CMSS1: variants seen among roughly 807,000 people sequenced by gnomAD.
The protein encoded by CMSS1 is protein CMSS1.
In CMSS1, 33 loss-of-function variants were observed where a neutral mutation model predicts 43.5. The observed-to-expected ratio is 0.76, with a 90% CI of 0.57 to 1.01. The LOEUF is 1.01. Ranked by LOEUF, CMSS1 falls within the 50% of genes least tolerant of loss-of-function variation. CMSS1 has a pLI of 0.00. For synonymous variants in CMSS1, 115 were observed against 117.2 expected (o/e 0.98, Z 0.12); for missense variants, 313 against 326.4 (o/e 0.96, Z 0.32).
intron 1 of CMSS1, among the ~76,000 whole-genome samples, chr3:100,083,383 G>T (rs1559751763): frequency 6.6e-6 from 1 of 152,226 alleles, no homozygotes; most frequent in African/African-American, 2.4e-5. Flanking sequence ...GAACTTGCAA[G>T]ACATGAAACT....
Position 100,102,497 on chromosome 3 carries a change from C to G in CMSS1, c.65-44476C>G, listed in dbSNP as rs190469279. Among the ~76,000 whole-genome samples the G allele has an allele frequency of 1.9e-3, 282 of 152,306 alleles. 1 individual carries two copies. The highest frequency in any genetic ancestry group is 3.2e-3 in the Non-Finnish European group (220 of 68,018). On this transcript the variant is annotated intron_variant, in intron 1 of 9. Coordinates refer to ENST00000421999, the MANE Select transcript of CMSS1 (RefSeq NM_032359.4). ...CTGCTTCTCCACAGGTGTGAGATCT[C>G]TCTTTTCTTCAAATTACTCCAGTAT...
At chr3:100,140,131 T>G (rs1559769284) in intron 1 of CMSS1, among the ~76,000 whole-genome samples, 1 of 152,210 alleles carries the variant, frequency 6.6e-6, no homozygotes, top group Non-Finnish European at 1.5e-5. Context: ...TGAAGCTAAC[T>G]TCCATTAATT....
intron 1 of CMSS1, among the ~76,000 whole-genome samples, chr3:99,871,191 A>G (rs1944768503): frequency 6.6e-6 from 1 of 152,178 alleles, no homozygotes. Context: ...CCTGAGCCTA[A>G]CTGGTTTCTG....
chr3:100,038,956 C>T (rs571479954), intron 1 of CMSS1, among the ~76,000 whole-genome samples: 1 of 152,186 alleles, frequency 6.6e-6, no homozygotes, highest in South Asian at 2.1e-4. Flanking sequence ...ATGTATAAAA[C>T]GTCTTTGAAA....
At chr3:99,860,328 G>A (rs574714506) in intron 1 of CMSS1, among the ~76,000 whole-genome samples, 1 of 152,166 alleles carries the variant, frequency 6.6e-6, no homozygotes, top group Non-Finnish European at 1.5e-5. Context: ...GTCAGGAGAA[G>A]TGAAATAAGA....
At chr3:99,914,073 G>A (rs955846209) in intron 1 of CMSS1, among the ~76,000 whole-genome samples, 3 of 152,174 alleles carry the variant, frequency 2.0e-5, no homozygotes, top group Non-Finnish European at 4.4e-5. Flanking sequence ...AAATTAGAGA[G>A]GGAATTTGGC....
intron 1 of CMSS1, chr3:99,925,902 C>T (rs561510718): frequency 3.0e-6 from 3 of 985,128 alleles, no homozygotes; most frequent in South Asian, 4.7e-5. Flanking sequence ...TTGCCCAGCA[C>T]GGGGTAAGCT....
At chr3:99,912,410 T>C (rs1295828483) in intron 1 of CMSS1, among the ~76,000 whole-genome samples, 1 of 152,202 alleles carries the variant, frequency 6.6e-6, no homozygotes, top group Non-Finnish European at 1.5e-5. Context: ...AGGGTCTTGC[T>C]TTGTTTCCCA....
In CMSS1 at chr3:100,038,464, G is replaced by A. The variant is rs9826443; in HGVS notation, c.65-108509G>A. On this transcript the variant is annotated intron_variant, in intron 1 of 9. Transcript: ENST00000421999. The stretch of plus-strand genomic sequence containing the variant: ...CTTATAGAGAATTCGAGTAGGGAGC[G>A]GAAACAGGCAATACTACTCAGTCAG... Among the ~76,000 whole-genome samples, 853 of 152,130 alleles carry A rather than the reference G, an allele frequency of 5.6e-3. 6 individuals are homozygous for A. The highest frequency in any genetic ancestry group is 0.019 in the African/African-American group (800 of 41,492).
rs1045752466 is a variant in CMSS1 at position 99,984,251 on chromosome 3, A to G, written c.65-162722A>G. Among the ~76,000 whole-genome samples, 12 of 152,204 alleles carry G rather than the reference A, an allele frequency of 7.9e-5. No homozygotes were observed. In the East Asian group the frequency reaches 1.9e-3, roughly 24 times the overall value. ...AGTATAATTTTACTAGTAGCCATTC[A>G]TGTATTTATTATGTAGAGTGTCCTG... On this transcript the variant is annotated intron_variant, in intron 1 of 9. Coordinates refer to ENST00000421999, the MANE Select transcript of CMSS1 (RefSeq NM_032359.4).
chr3:99,826,997 C>T lies in CMSS1; in HGVS notation c.64+8954C>T, dbSNP rs149274960. ...TTTTTCTTCAGAGGCCACACTTCTG[C>T]GGAAACAACATGCCCAGGAGGAAAG... On this transcript the variant is annotated intron_variant, in intron 1 of 9. Transcript: ENST00000421999. Among the ~76,000 whole-genome samples, 1,030 of 152,192 alleles carry T rather than the reference C, an allele frequency of 6.8e-3. 3 individuals carry two copies. The highest frequency in any genetic ancestry group is 8.6e-3 in the African/African-American group (356 of 41,512).
intron 1 of CMSS1, among the ~76,000 whole-genome samples, chr3:99,952,770 C>T (rs1018234166): frequency 1.3e-5 from 2 of 152,090 alleles, no homozygotes; most frequent in African/African-American, 4.8e-5. Flanking sequence ...TTAAATTGCT[C>T]ATGAATATTC....
At chr3:100,144,641 G>A (rs2107510810) in intron 1 of CMSS1, among the ~76,000 whole-genome samples, 1 of 152,318 alleles carries the variant, frequency 6.6e-6, no homozygotes, top group Admixed American at 6.5e-5. Context: ...GTGAGGATGA[G>A]GTCATAGTTT....
At chr3:100,076,251 CATCAT>C (rs1405040233) in intron 1 of CMSS1, among the ~76,000 whole-genome samples, 1 of 152,190 alleles carries the variant, frequency 6.6e-6, no homozygotes, top group African/African-American at 2.4e-5. Context: ...TTTAATCTCT[CATCAT>C]ATGCTTATCT....
At chr3:100,157,187 A>G (rs2107523847) in intron 2 of CMSS1, among the ~76,000 whole-genome samples, 1 of 151,996 alleles carries the variant, frequency 6.6e-6, no homozygotes, top group East Asian at 1.9e-4. Context: ...CATTGCCTCT[A>G]CTTTATCTTC....
At chr3:99,956,237 T>G (rs1054850315) in intron 1 of CMSS1, among the ~76,000 whole-genome samples, 3 of 152,194 alleles carry the variant, frequency 2.0e-5, no homozygotes, top group African/African-American at 7.2e-5. Context: ...CTCACCTTTC[T>G]TCTTTGTTGC....
chr3:99,957,159 G>A (rs1294149193), intron 1 of CMSS1, among the ~76,000 whole-genome samples: 1 of 152,196 alleles, frequency 6.6e-6, no homozygotes, highest in Admixed American at 6.5e-5. Context: ...AATACTGTAT[G>A]AAGTAGAGGA....
intron 1 of CMSS1, among the ~76,000 whole-genome samples, chr3:100,104,342 C>T (rs1466797845): frequency 6.6e-6 from 1 of 152,152 alleles, no homozygotes; most frequent in Non-Finnish European, 1.5e-5. Context: ...ACACAAAGCC[C>T]GTTAACTACA....
At chr3:99,841,791 T>G (rs532668570) in intron 1 of CMSS1, among the ~76,000 whole-genome samples, 1 of 152,280 alleles carries the variant, frequency 6.6e-6, no homozygotes, top group East Asian at 1.9e-4. Flanking sequence ...CAATACCACC[T>G]TACTCCTGCA....
Sources: gnomAD v4.1 joint callset for allele counts (sites outside exome capture counted in the v4.1 genomes callset) on GRCh38, gnomAD v4.1.1 for gene constraint, MANE v1.5 for transcripts, NCBI Gene and HGNC (gene_info 2026-07-23, HGNC 2026-07-21) for gene names.